The following MACROD2 variants were observed in gnomAD, a reference collection of about 807,000 sequenced individuals.
The protein encoded by MACROD2 is mono-ADP ribosylhydrolase 2, also known as ADP-ribose glycohydrolase MACROD2.
In MACROD2, 36 loss-of-function variants were observed where a neutral mutation model predicts 70.4. That is an observed-to-expected ratio of 0.51 (90% CI 0.39 to 0.68). MACROD2 has a LOEUF of 0.68. Among genes scored for constraint, MACROD2 ranks in the 30% least tolerant of loss-of-function variants. MACROD2 has a pLI of 0.00. For synonymous variants in MACROD2, 172 were observed against 178.8 expected (o/e 0.96, Z 0.30); for missense variants, 496 against 538.4 (o/e 0.92, Z 0.78).
At chr20:14,590,336 A>G (rs1048550040) in intron 4 of MACROD2, among the ~76,000 whole-genome samples, 2 of 152,180 alleles carry the variant, frequency 1.3e-5, no homozygotes, top group African/African-American at 4.8e-5. Context: ...TCACTCATTT[A>G]CCCATAAAAA....
At chr20:15,453,764 G>C (rs761922146) in intron 7 of MACROD2, among the ~76,000 whole-genome samples, 1 of 152,128 alleles carries the variant, frequency 6.6e-6, no homozygotes, top group Non-Finnish European at 1.5e-5. Context: ...ACATTCTCCT[G>C]TCCTAAAAAG....
At chr20:14,908,872 C>T (rs1442046135) in intron 5 of MACROD2, among the ~76,000 whole-genome samples, 1 of 152,122 alleles carries the variant, frequency 6.6e-6, no homozygotes, top group Admixed American at 6.5e-5. Flanking sequence ...GGAGACAGTA[C>T]TACAAGAGTT....
chr20:14,306,013 C>T (rs1351931069), intron 3 of MACROD2, among the ~76,000 whole-genome samples: 2 of 152,024 alleles, frequency 1.3e-5, no homozygotes, highest in Admixed American at 6.6e-5. Context: ...CTTGCTTTCT[C>T]TCTCTCCCTG....
intron 7 of MACROD2, among the ~76,000 whole-genome samples, chr20:15,455,655 T>A (rs1433238936): frequency 6.6e-6 from 1 of 152,150 alleles, no homozygotes; most frequent in Non-Finnish European, 1.5e-5. Context: ...TCGAAATCTT[T>A]TTGTAATGGG....
rs1473464486 is a variant in MACROD2, at chr20:14,887,102, A to G, written c.418+202143A>G. 3.3e-5 allele frequency among the ~76,000 whole-genome samples: 5 copies of G among 152,148 alleles called. 1 individual carries two copies. Among genetic ancestry groups the G allele is most frequent in the Non-Finnish European group, 5.9e-5 (4 of 68,020 alleles). On this transcript the variant is annotated intron_variant, in intron 5 of 17. Coordinates refer to ENST00000684519, the MANE Select transcript of MACROD2 (RefSeq NM_001351661.2). ...AAAATAGCCATATCATAGTATATTT[A>G]TTACAAAAATTCATGTCCTACCTGG...
intron 3 of MACROD2, among the ~76,000 whole-genome samples, chr20:14,126,678 A>G (rs924746029): frequency 1.2e-4 from 18 of 152,282 alleles, no homozygotes; most frequent in African/African-American, 3.9e-4. Flanking sequence ...AACATTTTCA[A>G]TTATTATGGG....
intron 10 of MACROD2, among the ~76,000 whole-genome samples, chr20:15,894,204 G>A (rs1221147459): frequency 5.3e-5 from 8 of 152,154 alleles, no homozygotes; most frequent in Admixed American, 1.3e-4. Flanking sequence ...GTTGAGTGCC[G>A]GGGCTTCCGG....
intron 6 of MACROD2, among the ~76,000 whole-genome samples, chr20:15,369,174 G>A (rs2045456201): frequency 1.3e-5 from 2 of 152,150 alleles, no homozygotes; most frequent in Non-Finnish European, 2.9e-5. Flanking sequence ...AAAAAAATTA[G>A]AGCCTTTGGA....
At chr20:16,017,314 CTGCT>C (rs1216358607) in intron 15 of MACROD2, among the ~76,000 whole-genome samples, 1 of 151,374 alleles carries the variant, frequency 6.6e-6, no homozygotes, top group Non-Finnish European at 1.5e-5. Flanking sequence ...AGGATATTTT[CTGCT>C]TTGTGGCTTC....
intron 8 of MACROD2, among the ~76,000 whole-genome samples, chr20:15,705,800 G>A (rs1187105432): frequency 2.0e-5 from 3 of 152,020 alleles, no homozygotes; most frequent in Non-Finnish European, 4.4e-5. Flanking sequence ...CTTACAGGAT[G>A]TAGCTGCTTC....
intron 8 of MACROD2, among the ~76,000 whole-genome samples, chr20:15,623,593 G>A (rs941374530): frequency 1.3e-5 from 2 of 152,150 alleles, no homozygotes; most frequent in African/African-American, 2.4e-5. Flanking sequence ...ATATGGGGAC[G>A]CTATGGGCTT....
intron 12 of MACROD2, among the ~76,000 whole-genome samples, chr20:15,949,884 T>C (rs933430585): frequency 6.6e-6 from 1 of 152,188 alleles, no homozygotes; most frequent in Non-Finnish European, 1.5e-5. Flanking sequence ...CCAAGATGTA[T>C]ACTTACCCAA....
At chr20:14,158,434 T>C (rs2055135606) in intron 3 of MACROD2, among the ~76,000 whole-genome samples, 1 of 152,160 alleles carries the variant, frequency 6.6e-6, no homozygotes, top group South Asian at 2.1e-4. Flanking sequence ...TAGTTTCATG[T>C]AGCTTAATGT....
chr20:14,388,992 C>T (rs6131577), intron 3 of MACROD2, among the ~76,000 whole-genome samples: 1 of 151,926 alleles, frequency 6.6e-6, no homozygotes, highest in Non-Finnish European at 1.5e-5. Context: ...ATTCTCCTGC[C>T]TCAGCCCCCT....
chr20:15,308,612 T>C (rs2077721489), intron 6 of MACROD2, among the ~76,000 whole-genome samples: 1 of 152,198 alleles, frequency 6.6e-6, no homozygotes, highest in Non-Finnish European at 1.5e-5. Context: ...TTTAATGGCT[T>C]ATGTATAGTT....
intron 6 of MACROD2, among the ~76,000 whole-genome samples, chr20:15,413,550 C>T (rs535607771): frequency 3.9e-5 from 6 of 152,260 alleles, no homozygotes; most frequent in Admixed American, 3.3e-4. Context: ...TTAGAAACTA[C>T]ACAAGGGAGA....
chr20:14,389,129 C>T (rs768603671), intron 3 of MACROD2, among the ~76,000 whole-genome samples: 1 of 152,118 alleles, frequency 6.6e-6, no homozygotes, highest in Non-Finnish European at 1.5e-5. Context: ...ATCCGCTCGC[C>T]TCGGCCTTCC....
intron 5 of MACROD2, among the ~76,000 whole-genome samples, chr20:14,772,013 G>A (rs550615889): frequency 1.3e-5 from 2 of 152,036 alleles, no homozygotes; most frequent in Non-Finnish European, 2.9e-5. Flanking sequence ...CAAAAAGCAG[G>A]AAAAGAAATT....
At position 14,326,059 on chromosome 20, in the gene MACROD2, T is replaced by A; in HGVS notation, c.272-167420T>A. 3 of 1,613,950 alleles carry A rather than the reference T, an allele frequency of 1.9e-6. No homozygotes were observed. Among genetic ancestry groups the A allele is most frequent in the Non-Finnish European group, 2.5e-6 (3 of 1,179,888 alleles). On this transcript the variant is annotated intron_variant, in intron 3 of 17. Transcript: ENST00000684519. The surrounding 1 kb of genome is among the most constrained non-coding windows in gnomAD (Gnocchi z 5.5). ...ATCAAATAGGTAGAGGTTGCTGGTT[T>A]CCATGGGAACCATGCATACTTTATA... is the stretch of plus-strand genomic sequence containing the variant.
Sources: gnomAD v4.1 joint callset for allele counts (sites outside exome capture counted in the v4.1 genomes callset) on GRCh38, gnomAD v4.1.1 for gene constraint, Gnocchi (gnomAD v3.1) non-coding constraint, MANE v1.5 for transcripts, NCBI Gene and HGNC (gene_info 2026-07-23, HGNC 2026-07-21) for gene names.